The following CLMN variants were observed in gnomAD, a reference collection of about 807,000 sequenced individuals.
CLMN encodes calmin (calponin-like, transmembrane).
CLMN carries 57 observed loss-of-function variants against 92.7 expected under a neutral mutation model. The observed-to-expected ratio is 0.61, with a 90% CI of 0.50 to 0.77. The LOEUF (loss-of-function observed/expected upper bound fraction) is 0.77. Among genes scored for constraint, CLMN ranks in the 30% least tolerant of loss-of-function variants. The pLI is 0.00. For missense variants in CLMN, 1,158 were observed against 1,237.5 expected, an observed-to-expected ratio of 0.94 and a Z score of 0.96; for synonymous variants, 466 against 470.6, an observed-to-expected ratio of 0.99 and a Z score of 0.13.
At chr14:95,252,549 C>A (rs1183389659) in intron 1 of CLMN, among the ~76,000 whole-genome samples, 2 of 152,142 alleles carry the variant, frequency 1.3e-5, no homozygotes, top group African/African-American at 4.8e-5. Context: ...TAATTTATGT[C>A]ACATTTGAGA....
chr14:95,241,576 G>T (rs1476432901), intron 1 of CLMN, among the ~76,000 whole-genome samples: 1 of 152,224 alleles, frequency 6.6e-6, no homozygotes. Context: ...GAGAGGTAAA[G>T]ACTGGAAACT....
intron 1 of CLMN, chr14:95,307,763 G>A (rs1049541724): frequency 6.6e-6 from 1 of 152,164 alleles, no homozygotes. Context: ...AGAGCTCCAC[G>A]CTTGTGTACA....
chr14:95,251,958 T>A (rs1345527419), intron 1 of CLMN, among the ~76,000 whole-genome samples: 1 of 152,114 alleles, frequency 6.6e-6, no homozygotes, highest in Non-Finnish European at 1.5e-5. Context: ...TCAGCCCCCA[T>A]GGAGGAGAAG....
intron 1 of CLMN, among the ~76,000 whole-genome samples, chr14:95,245,693 T>G (rs1898531310): frequency 7.8e-6 from 1 of 127,628 alleles, no homozygotes; most frequent in Non-Finnish European, 1.7e-5. Flanking sequence ...GGTGGGTGGG[T>G]GGATGGATGG....
rs140298942 is a variant in CLMN at position 95,185,698 on chromosome 14, A to G, written c.*5866T>C. 6.6e-6 allele frequency: 1 copy of G among 152,154 alleles called. No homozygotes were observed. The highest frequency in any genetic ancestry group is 1.9e-4 in the East Asian group (1 of 5,186). The allele number at this position is 152,154 out of a possible 1,614,324, so 9.4% of individuals were successfully genotyped here. On this transcript the variant is annotated 3_prime_UTR_variant, in exon 13 of 13. Coordinates refer to ENST00000298912, the MANE Select transcript of CLMN (RefSeq NM_024734.4). Reference sequence around the variant, plus strand: ...CCACACAGCCCATTTCTGGGACCTGAGGGCGCAAGGCTCCACAGAGGAATA... The same window carrying G: ...CCACACAGCCCATTTCTGGGACCTGGGGGCGCAAGGCTCCACAGAGGAATA...
intron 1 of CLMN, among the ~76,000 whole-genome samples, chr14:95,246,942 C>G (rs537329765): frequency 6.6e-6 from 1 of 152,316 alleles, no homozygotes; most frequent in African/African-American, 2.4e-5. Flanking sequence ...CTCATCAATT[C>G]TAGGAACAAA....
Position 95,204,161 on chromosome 14 carries a change from G to A in CLMN, c.1188C>T (p.Ser396=), listed in dbSNP as rs200348421. Reference sequence around the variant, plus strand: ...ATTCTGGAGATGGCTCACTGATGTCGCTGGTCTTACCTGGGCCCCCTTGCA... The same window carrying A: ...ATTCTGGAGATGGCTCACTGATGTCACTGGTCTTACCTGGGCCCCCTTGCA... ...QVLQGGPGKT[S]DISEPSPESS... The change falls in exon 9 of 13, where the codon AGC becomes AGT. Residue 396 remains serine (S), a synonymous_variant. Transcript: ENST00000298912. 4.0e-5 allele frequency: 64 copies of A among 1,614,092 alleles called. No individual in the cohort carries two copies. The highest frequency in any genetic ancestry group is 2.2e-4 in the Admixed American group (13 of 60,014).
intron 4 of CLMN, among the ~76,000 whole-genome samples, chr14:95,218,552 T>C (rs1476292387): frequency 1.3e-5 from 2 of 152,224 alleles, no homozygotes; most frequent in Non-Finnish European, 2.9e-5. Context: ...AGCAGAGCTG[T>C]TATAGCCTGT....
intron 1 of CLMN, among the ~76,000 whole-genome samples, chr14:95,274,668 G>A (rs1430120679): frequency 6.6e-6 from 1 of 152,196 alleles, no homozygotes; most frequent in Non-Finnish European, 1.5e-5. Flanking sequence ...ATTCTTGTGT[G>A]TGTCTTGCAG....
intron 12 of CLMN, chr14:95,193,059 G>A: frequency 2.4e-6 from 1 of 414,450 alleles, no homozygotes; most frequent in Non-Finnish European, 4.3e-6. Flanking sequence ...ACTCTTGGGT[G>A]TTGGGTAATA....
At chr14:95,299,217 C>T (rs1375472394) in intron 1 of CLMN, among the ~76,000 whole-genome samples, 2 of 152,110 alleles carry the variant, frequency 1.3e-5, no homozygotes, top group African/African-American at 4.8e-5. Flanking sequence ...AACCCCACCA[C>T]CACTGCCGCA....
At chr14:95,252,073 C>T (rs1027804968) in intron 1 of CLMN, among the ~76,000 whole-genome samples, 2 of 152,214 alleles carry the variant, frequency 1.3e-5, no homozygotes, top group African/African-American at 4.8e-5. Flanking sequence ...GGGCCCAAGA[C>T]CGTGGACTCG....
intron 1 of CLMN, among the ~76,000 whole-genome samples, chr14:95,242,921 A>G (rs146684305): frequency 2.3e-3 from 358 of 152,342 alleles, no homozygotes; most frequent in African/African-American, 8.3e-3. Context: ...GCCAGGGCTG[A>G]GAACCACTGC....
intron 1 of CLMN, among the ~76,000 whole-genome samples, chr14:95,311,515 C>T (rs1356224276): frequency 6.6e-6 from 1 of 152,098 alleles, no homozygotes; most frequent in African/African-American, 2.4e-5. Flanking sequence ...CCTAACAACC[C>T]CAGGGCCTTT....
intron 9 of CLMN, among the ~76,000 whole-genome samples, chr14:95,201,294 C>G (rs1429066736): frequency 2.6e-5 from 4 of 151,744 alleles, no homozygotes; most frequent in African/African-American, 7.3e-5. Flanking sequence ...CTTCCAACCC[C>G]CCAAGCAGCC....
In CLMN at chr14:95,269,768, G is replaced by C. The variant is rs543107344; in HGVS notation, c.83-39635C>G. 2.0e-4 allele frequency among the ~76,000 whole-genome samples: 30 copies of C among 152,280 alleles called. 1 individual carries two copies. The South Asian group carries it at 6.0e-3, about 31-fold the overall frequency. On this transcript the variant is annotated intron_variant, in intron 1 of 12. Coordinates refer to ENST00000298912, the MANE Select transcript of CLMN (RefSeq NM_024734.4). ...CTGCTGGGAGGTAACCATATCTCCA[G>C]GGTCCTGACTCTAGGTGGGTCACAT...
At chr14:95,309,268 T>C (rs1342842056) in intron 1 of CLMN, among the ~76,000 whole-genome samples, 1 of 152,328 alleles carries the variant, frequency 6.6e-6, no homozygotes, top group East Asian at 1.9e-4. Context: ...GATGCTCTCT[T>C]GTTTTCTAAA....
intron 1 of CLMN, among the ~76,000 whole-genome samples, chr14:95,266,735 G>A (rs1279346778): frequency 4.6e-5 from 7 of 152,036 alleles, no homozygotes; most frequent in East Asian, 1.9e-4. Context: ...AATAGCCAAC[G>A]CACTCTTAAG....
intron 1 of CLMN, among the ~76,000 whole-genome samples, chr14:95,245,182 A>AT (rs1165030768): frequency 4.8e-5 from 2 of 41,746 alleles, no homozygotes; most frequent in Non-Finnish European, 3.9e-5. Context: ...TATTATATAT[A>AT]TATATATATA....
Sources: gnomAD v4.1 joint callset for allele counts (sites outside exome capture counted in the v4.1 genomes callset) on GRCh38, gnomAD v4.1.1 for gene constraint, MANE v1.5 for transcripts, NCBI Gene and HGNC (gene_info 2026-07-23, HGNC 2026-07-21) for gene names.